Variants in ATAD2B observed in about 807,000 individuals in gnomAD.
The protein encoded by ATAD2B is ATPase family AAA domain containing 2B, also known as ATPase family AAA domain-containing protein 2B.
Under a neutral mutation model 167.6 loss-of-function variants are expected in ATAD2B, and 40 were observed. That is an observed-to-expected ratio of 0.24 (90% CI 0.19 to 0.31). The LOEUF (loss-of-function observed/expected upper bound fraction) is 0.31. Among genes scored for constraint, ATAD2B ranks in the 10% least tolerant of loss-of-function variants. The pLI, the probability that ATAD2B is intolerant of heterozygous loss-of-function variation, is 1.00. For missense variants in ATAD2B, 1,242 were observed against 1,757.2 expected (o/e 0.71, Z 5.24); for synonymous variants, 579 against 596.5 (o/e 0.97, Z 0.43).
the ATAD2B span, among the ~76,000 whole-genome samples, chr2:23,741,772 C>T: frequency 6.6e-6 from 1 of 152,060 alleles, no homozygotes; most frequent in African/African-American, 2.4e-5. Context: ...AGGCAACCTA[C>T]AGAATGGGAG....
chr2:23,838,613 C>G (rs1050002134), intron 13 of ATAD2B, among the ~76,000 whole-genome samples: 1 of 152,148 alleles, frequency 6.6e-6, no homozygotes, highest in Non-Finnish European at 1.5e-5. Context: ...GTTGTTTCAC[C>G]TTTCAAATAT....
chr2:23,869,825 G>T, intron 8 of ATAD2B, 64 bp from the exon 9 acceptor site: 2 of 1,005,162 alleles, frequency 2.0e-6, no homozygotes, highest in Non-Finnish European at 3.0e-6. Context: ...AAAACACACT[G>T]TAATATCTAC....
chr2:23,910,306 G>A (rs1442910492), intron 1 of ATAD2B, among the ~76,000 whole-genome samples: 1 of 150,688 alleles, frequency 6.6e-6, no homozygotes, highest in Non-Finnish European at 1.5e-5. Flanking sequence ...AACCTCCTGA[G>A]TAGCTGGGAT....
chr2:23,919,280 G>A (rs780290087), intron 1 of ATAD2B, among the ~76,000 whole-genome samples: 1 of 152,098 alleles, frequency 6.6e-6, no homozygotes, highest in Non-Finnish European at 1.5e-5. Flanking sequence ...CTGGCCAGGC[G>A]CAGTGGCTGT....
intron 8 of ATAD2B, among the ~76,000 whole-genome samples, chr2:23,870,554 G>C (rs1695802573): frequency 6.6e-6 from 1 of 151,568 alleles, no homozygotes. Flanking sequence ...CCAAAGTGCT[G>C]GAGTTACAGA....
At chr2:23,692,197 G>A in the ATAD2B span, among the ~76,000 whole-genome samples, 1 of 152,366 alleles carries the variant, frequency 6.6e-6, no homozygotes, top group African/African-American at 2.4e-5. Flanking sequence ...GAAAGGCTAT[G>A]GCCCTGGCCT....
chr2:23,874,702 A>T lies in ATAD2B; in HGVS notation c.977+1127T>A, dbSNP rs1050751182. On this transcript the variant is annotated intron_variant, in intron 8 of 27. Transcript: ENST00000238789. ...GAGCAAGACCCTGTCTCAAAAAAAAAAAATAAACTTTTAAAAGTAGAAACT... is the reference window on the plus strand; with the variant it reads ...GAGCAAGACCCTGTCTCAAAAAAAATAAATAAACTTTTAAAAGTAGAAACT... Among the ~76,000 whole-genome samples the T allele has an allele frequency of 3.9e-5, 6 of 152,042 alleles. No individual in the cohort carries two copies. In the South Asian group the frequency reaches 8.3e-4, roughly 21 times the overall value.
the ATAD2B span, among the ~76,000 whole-genome samples, chr2:23,725,042 C>CAAAAAAA: frequency 7.0e-5 from 5 of 71,686 alleles, no homozygotes; most frequent in Non-Finnish European, 7.1e-5. Flanking sequence ...GACTCTGTCT[C>CAAAAAAA]AAAAAAAAAA....
chr2:23,821,343 T>C (rs1295033106), intron 16 of ATAD2B, among the ~76,000 whole-genome samples: 1 of 152,216 alleles, frequency 6.6e-6, no homozygotes, highest in African/African-American at 2.4e-5. Context: ...CGTAAGTTTT[T>C]TGGGACGTTT....
the ATAD2B span, chr2:23,708,497 C>G: frequency 2.6e-5 from 4 of 152,102 alleles, no homozygotes; most frequent in African/African-American, 9.7e-5. Flanking sequence ...GCAAAACTGG[C>G]TATTTCTGTG....
downstream of ATAD2B, among the ~76,000 whole-genome samples, chr2:23,746,514 A>G (rs1375034629): frequency 4.6e-5 from 7 of 152,224 alleles, no homozygotes; most frequent in South Asian, 1.2e-3. Flanking sequence ...TGCTCCCTCA[A>G]TGCCTAGCAC....
In ATAD2B at chr2:23,926,863, C is replaced by T; in HGVS notation, c.-93G>A. ...GTCAGTCAGGGCCAGCGGAGCCGAGCCGGGCAATGAGAGACGAGCCGGCCC... is the reference window on the plus strand; with the variant it reads ...GTCAGTCAGGGCCAGCGGAGCCGAGTCGGGCAATGAGAGACGAGCCGGCCC... On this transcript the variant is annotated 5_prime_UTR_variant, in exon 1 of 28. Transcript: ENST00000238789. 1 of 1,407,978 alleles carries T rather than the reference C, an allele frequency of 7.1e-7. No individual in the cohort carries two copies. Among genetic ancestry groups the T allele is most frequent in the Non-Finnish European group, 9.3e-7 (1 of 1,071,450 alleles). The allele number at this position is 1,407,978 out of a possible 1,614,324, so 87.2% of individuals were successfully genotyped here.
chr2:23,808,124 T>TATATATAATTATATATATAATTA (rs1558570147), intron 18 of ATAD2B, among the ~76,000 whole-genome samples: 2 of 17,772 alleles, frequency 1.1e-4, no homozygotes, highest in African/African-American at 3.6e-4. Flanking sequence ...TATATAATTA[T>TATATATAATTATATATATAATTA]TATATATAAG....
intron 1 of ATAD2B, among the ~76,000 whole-genome samples, chr2:23,920,457 C>T (rs1703743963): frequency 6.6e-6 from 1 of 152,158 alleles, no homozygotes. Context: ...AGTCCTATAA[C>T]CATGATAGTC....
intron 1 of ATAD2B, among the ~76,000 whole-genome samples, chr2:23,899,012 G>A (rs1344855628): frequency 1.3e-5 from 2 of 152,160 alleles, no homozygotes; most frequent in African/African-American, 4.8e-5. Flanking sequence ...GCCAGGCATG[G>A]TGGCCCATGC....
chr2:23,884,764 CCTT>C lies in ATAD2B; in HGVS notation c.782_784del (p.Glu262del), dbSNP rs779614007. ...AGAATTCCAAAAAGTGCTTTACAAA[CCTT>C]CTTCTTCACCCTCAGTAGAAACTTC... On this transcript the variant is annotated inframe_deletion and splice_region_variant, in exon 6 of 28. Coordinates refer to ENST00000238789, the MANE Select transcript of ATAD2B (RefSeq NM_017552.4). 7 of 1,559,646 alleles carry C rather than the reference CCTT, an allele frequency of 4.5e-6. No individual in the cohort carries two copies. Among genetic ancestry groups the C allele is most frequent in the African/African-American group, 2.7e-5 (2 of 73,134 alleles).
At position 23,760,717 on chromosome 2, in the gene ATAD2B, CACACACACACACATAT is replaced by C. The variant is rs57980309; in HGVS notation, c.3394+1476_3394+1491del. On this transcript the variant is annotated intron_variant, in intron 24 of 27. Coordinates refer to ENST00000238789, the MANE Select transcript of ATAD2B (RefSeq NM_017552.4). ...ATATATATACACACACACACACACA[CACACACACACACATAT>C]ACACACACACACACACATACACACA... Among the ~76,000 whole-genome samples the C allele has an allele frequency of 6.8e-3, 974 of 144,144 alleles. 7 individuals are homozygous for C. The highest frequency in any genetic ancestry group is 0.029 in the Middle Eastern group (8 of 276). 94.6% of individuals were successfully genotyped at this position (144,144 alleles called of 152,430 possible). A position where few individuals can be genotyped will look rare whatever the true frequency, so the allele number is the denominator to read the frequency against.
At chr2:23,705,173 GCT>G in the ATAD2B span, among the ~76,000 whole-genome samples, 4 of 152,226 alleles carry the variant, frequency 2.6e-5, no homozygotes, top group Admixed American at 1.3e-4. Flanking sequence ...TTGGGAGGAT[GCT>G]CGCACCTTCT....
chr2:23,890,155 C>A (rs974838858), intron 2 of ATAD2B, among the ~76,000 whole-genome samples: 1 of 151,530 alleles, frequency 6.6e-6, no homozygotes, highest in African/African-American at 2.4e-5. Flanking sequence ...GTGGAGCTTA[C>A]AGTGAGCCGA....
Sources: gnomAD v4.1 joint callset for allele counts (sites outside exome capture counted in the v4.1 genomes callset) on GRCh38, gnomAD v4.1.1 for gene constraint, MANE v1.5 for transcripts, NCBI Gene and HGNC (gene_info 2026-07-23, HGNC 2026-07-21) for gene names.